SLC9A9: variants seen among roughly 807,000 people sequenced by gnomAD.
SLC9A9 encodes the protein sodium/hydrogen exchanger 9.
In SLC9A9, 62 loss-of-function variants were observed where a neutral mutation model predicts 77.8. The ratio of observed to expected loss-of-function variants is 0.80; its 90% CI spans 0.65 to 0.98. The LOEUF (loss-of-function observed/expected upper bound fraction) is 0.98, where lower values mean the gene tolerates loss of function less well. SLC9A9 is among the 50% of genes least tolerant of loss of function. SLC9A9 has a pLI of 0.00. For missense variants in SLC9A9, 775 were observed against 774.9 expected, an observed-to-expected ratio of 1.00 and a Z score of 0.00; for synonymous variants, 320 against 283.5, an observed-to-expected ratio of 1.13 and a Z score of -1.29.
chr3:143,513,814 A>G (rs956650036), intron 9 of SLC9A9, among the ~76,000 whole-genome samples: 1 of 152,222 alleles, frequency 6.6e-6, no homozygotes, highest in Non-Finnish European at 1.5e-5. Context: ...TGCATTGTCA[A>G]TGAGCAGCAA....
intron 11 of SLC9A9, among the ~76,000 whole-genome samples, chr3:143,470,438 C>T (rs2108572043): frequency 6.6e-6 from 1 of 150,980 alleles, no homozygotes; most frequent in African/African-American, 2.4e-5. Context: ...CAAGATCGCG[C>T]CATTGTACTC....
At chr3:143,782,015 C>A (rs1165275974) in intron 4 of SLC9A9, among the ~76,000 whole-genome samples, 1 of 152,160 alleles carries the variant, frequency 6.6e-6, no homozygotes, top group Non-Finnish European at 1.5e-5. Flanking sequence ...ATCCTTAGAC[C>A]AGAACACTGG....
chr3:143,523,039 A>G (rs1048385768), intron 9 of SLC9A9, among the ~76,000 whole-genome samples: 2 of 152,120 alleles, frequency 1.3e-5, no homozygotes, highest in East Asian at 3.9e-4. Context: ...TGGGGACTAT[A>G]TAACAGGGTC....
intron 6 of SLC9A9, among the ~76,000 whole-genome samples, chr3:143,646,053 G>GACTT (rs1180643165): frequency 2.6e-5 from 4 of 151,946 alleles, no homozygotes; most frequent in African/African-American, 7.3e-5. Context: ...AAGAATTTCA[G>GACTT]ACTTCTACCT....
rs138446860 is a variant in SLC9A9, at chr3:143,758,106, A to G, written c.533+36895T>C. On this transcript the variant is annotated intron_variant, in intron 4 of 15. Coordinates refer to ENST00000316549, the MANE Select transcript of SLC9A9 (RefSeq NM_173653.4). ...TATCTTTGGCCTCTAAATAAAGGTA[A>G]AATCCCGTCTTAATGACTATCATTT... Among the ~76,000 whole-genome samples the G allele has an allele frequency of 1.7e-3, 256 of 152,274 alleles. 1 individual carries two copies. The highest frequency in any genetic ancestry group is 6.0e-3 in the African/African-American group (248 of 41,568).
chr3:143,418,368 C>G (rs139137468), intron 12 of SLC9A9, among the ~76,000 whole-genome samples: 2 of 151,990 alleles, frequency 1.3e-5, no homozygotes, highest in Non-Finnish European at 2.9e-5. Context: ...AGTGTTGGCT[C>G]TTTTTTGCTG....
At position 143,652,271 on chromosome 3, in the gene SLC9A9, C is replaced by A. The variant is rs768994114; in HGVS notation, c.739G>T (p.Ala247Ser). ...FGESVLNDAV[A>S]IVLTYSISIY... ...GGTACTTACTATGTAAGGACTATGG[C>A]CACTGCATCATTCAACACACTCTCT... Residue 247 changes from alanine (A) to serine (S), a missense_variant, in exon 6 of 16, where the codon GCC becomes TCC. Physicochemically the swap from Ala to Ser is moderately conservative, Grantham distance 99. Transcript: ENST00000316549. The A allele has an allele frequency of 6.2e-7, 1 of 1,612,638 alleles. No homozygotes were observed. The highest frequency in any genetic ancestry group is 1.1e-5 in the South Asian group (1 of 90,790).
At chr3:143,676,630 G>C (rs1338633152) in intron 5 of SLC9A9, among the ~76,000 whole-genome samples, 1 of 152,148 alleles carries the variant, frequency 6.6e-6, no homozygotes. Context: ...ACAGCTACTC[G>C]GGAGGCTGAG....
chr3:143,411,143 C>T (rs761906418), intron 12 of SLC9A9, among the ~76,000 whole-genome samples: 2 of 152,122 alleles, frequency 1.3e-5, no homozygotes, highest in East Asian at 1.9e-4. Flanking sequence ...TCGGTGTTCT[C>T]TACATTCTAG....
chr3:143,448,891 A>G (rs112632481), intron 12 of SLC9A9, among the ~76,000 whole-genome samples: 1 of 34,208 alleles, frequency 2.9e-5, no homozygotes, highest in Non-Finnish European at 3.8e-5. Flanking sequence ...TATATTATAT[A>G]TTATAATATA....
chr3:143,625,679 C>CA (rs2038309624), intron 6 of SLC9A9, among the ~76,000 whole-genome samples: 1 of 152,186 alleles, frequency 6.6e-6, no homozygotes, highest in Non-Finnish European at 1.5e-5. Context: ...AAAACCTAGG[C>CA]AATACCATTC....
At chr3:143,271,078 G>T (rs912777437) in intron 14 of SLC9A9, among the ~76,000 whole-genome samples, 5 of 151,388 alleles carry the variant, frequency 3.3e-5, no homozygotes, top group African/African-American at 9.7e-5. Context: ...TACACTACTT[G>T]CCCCCTAGTC....
chr3:143,822,757 C>T (rs1353882153), intron 2 of SLC9A9, among the ~76,000 whole-genome samples: 1 of 152,184 alleles, frequency 6.6e-6, no homozygotes, highest in African/African-American at 2.4e-5. Context: ...ATTGAAAGAT[C>T]CATTGTAAAT....
chr3:143,626,626 G>C (rs577128546), intron 6 of SLC9A9, among the ~76,000 whole-genome samples: 3 of 151,866 alleles, frequency 2.0e-5, no homozygotes, highest in Non-Finnish European at 4.4e-5. Flanking sequence ...TGGGGTGGGG[G>C]GATGGGGGAG....
intron 5 of SLC9A9, among the ~76,000 whole-genome samples, chr3:143,676,784 C>T (rs972657751): frequency 6.6e-6 from 1 of 152,072 alleles, no homozygotes; most frequent in Middle Eastern, 3.4e-3. Context: ...AAAAACCCAG[C>T]ACGTGTCTGA....
chr3:143,663,176 C>G (rs1423701304), intron 5 of SLC9A9, among the ~76,000 whole-genome samples: 1 of 152,192 alleles, frequency 6.6e-6, no homozygotes, highest in Non-Finnish European at 1.5e-5. Flanking sequence ...CAAACAGGGT[C>G]TGCAGTGGAC....
intron 6 of SLC9A9, among the ~76,000 whole-genome samples, chr3:143,610,289 C>T (rs1009335429): frequency 6.6e-6 from 1 of 152,104 alleles, no homozygotes; most frequent in Non-Finnish European, 1.5e-5. Flanking sequence ...GCTGGGACTA[C>T]AAGCATGCCA....
At chr3:143,580,405 C>T (rs1033484932) in intron 6 of SLC9A9, among the ~76,000 whole-genome samples, 4 of 152,108 alleles carry the variant, frequency 2.6e-5, no homozygotes, top group Admixed American at 6.6e-5. Flanking sequence ...CGGCTTTATC[C>T]TTCTCTCCAC....
At chr3:143,745,356 G>A (rs767559532) in intron 4 of SLC9A9, among the ~76,000 whole-genome samples, 1 of 152,202 alleles carries the variant, frequency 6.6e-6, no homozygotes, top group East Asian at 1.9e-4. Flanking sequence ...GAAGAGACAT[G>A]TTTGAATAAC....
Sources: gnomAD v4.1 joint callset for allele counts (sites outside exome capture counted in the v4.1 genomes callset) on GRCh38, gnomAD v4.1.1 for gene constraint, MANE v1.5 for transcripts, NCBI Gene and HGNC (gene_info 2026-07-23, HGNC 2026-07-21) for gene names.